Variants in RIF1 observed in about 807,000 individuals in gnomAD.
RIF1 encodes replication timing regulatory factor 1.
In RIF1, 45 loss-of-function variants were observed where a neutral mutation model predicts 247.1. The observed-to-expected ratio is 0.18, with a 90% CI of 0.14 to 0.23. The LOEUF is 0.23. RIF1 is among the 10% of genes least tolerant of loss of function. The pLI is 1.00. For synonymous variants in RIF1, 1,087 were observed against 978.8 expected, an observed-to-expected ratio of 1.11 and a Z score of -2.06; for missense variants, 2,967 against 2,862.5, an observed-to-expected ratio of 1.04 and a Z score of -0.83.
At position 151,480,133 on chromosome 2, in the gene RIF1, TGTTATG is replaced by T. The variant is rs1261588210; in HGVS notation, c.*5065_*5070del. On this transcript the variant is annotated 3_prime_UTR_variant, in exon 36 of 36. Coordinates refer to ENST00000444746, the MANE Select transcript of RIF1 (RefSeq NM_018151.5). Reference sequence around the variant, plus strand: ...TCCAAAGAACAGTTAAAACCAAATGTGTTATGGTAAGCTGTAAATACCGTTGGAATA... The same window carrying T: ...TCCAAAGAACAGTTAAAACCAAATGTGTAAGCTGTAAATACCGTTGGAATA... 3 of 152,274 alleles carry T rather than the reference TGTTATG, an allele frequency of 2.0e-5. No individual in the cohort carries two copies. The highest frequency in any genetic ancestry group is 7.2e-5 in the African/African-American group (3 of 41,574). 9.4% of individuals were successfully genotyped at this position (152,274 alleles called of 1,614,324 possible). A position where few individuals can be genotyped will look rare whatever the true frequency, so the allele number is the denominator to read the frequency against.
intron 26 of RIF1, 57 bp downstream of exon 26, chr2:151,460,176 TACAACTTTAAA>T: frequency 7.7e-7 from 1 of 1,294,796 alleles, no homozygotes; most frequent in Non-Finnish European, 1.1e-6. Context: ...GTAACTTACA[TACAACTTTAAA>T]AATTGGATGA....
the RIF1 span, among the ~76,000 whole-genome samples, chr2:151,516,751 A>G: frequency 6.0e-3 from 913 of 152,284 alleles, 6 homozygotes; most frequent in Middle Eastern, 0.017. Flanking sequence ...GGGGATGGGT[A>G]CCATTACTGT....
chr2:151,490,110 G>C (rs2055005647), intron 9 of RIF1: 2 of 1,499,334 alleles, frequency 1.3e-6, no homozygotes, highest in Non-Finnish European at 1.8e-6. Flanking sequence ...TTTATAAGAA[G>C]AAAAATGGCT....
At chr2:151,490,695 G>C (rs1304012823) in intron 9 of RIF1, among the ~76,000 whole-genome samples, 1 of 152,172 alleles carries the variant, frequency 6.6e-6, no homozygotes, top group East Asian at 1.9e-4. Flanking sequence ...TATTTTTACA[G>C]ATGAGAGCTT....
rs1443032964 is a variant in RIF1 at position 151,480,166 on chromosome 2, A to G, written c.*5095A>G. 2 of 152,208 alleles carry G rather than the reference A, an allele frequency of 1.3e-5. No individual in the cohort carries two copies. Among genetic ancestry groups the G allele is most frequent in the Non-Finnish European group, 2.9e-5 (2 of 68,012 alleles). 9.4% of individuals were successfully genotyped at this position (152,208 alleles called of 1,614,324 possible). A position where few individuals can be genotyped will look rare whatever the true frequency, so the allele number is the denominator to read the frequency against. ...TAAGCTGTAAATACCGTTGGAATAA[A>G]AGATAACCGTTCATCTTACCTAAAA... On this transcript the variant is annotated 3_prime_UTR_variant, in exon 36 of 36. Coordinates refer to ENST00000444746, the MANE Select transcript of RIF1 (RefSeq NM_018151.5).
At position 151,410,201 on chromosome 2, in the gene RIF1, A is replaced by G. The variant is rs1482406935; in HGVS notation, c.-11+168A>G. 4.7e-6 allele frequency: 3 copies of G among 637,110 alleles called. No individual in the cohort carries two copies. The African/African-American group carries it at 5.4e-5, about 11-fold the overall frequency. The allele number at this position is 637,110 out of a possible 1,614,324, so 39.5% of individuals were successfully genotyped here. On this transcript the variant is annotated intron_variant, in intron 1 of 35. Transcript: ENST00000444746. ...GGAAAGTGGTGGCGGGAGCGGGCCC[A>G]GGCCCGAATGTGGCGTGGGCTCAGG...
intron 11 of RIF1, among the ~76,000 whole-genome samples, chr2:151,436,359 T>G (rs1336540047): frequency 2.0e-5 from 3 of 152,096 alleles, no homozygotes; most frequent in Non-Finnish European, 4.4e-5. Flanking sequence ...TGCTACATAG[T>G]GAGACCCTGT....
At chr2:151,457,618 G>A (rs1018315946) in intron 23 of RIF1, 143 bp from the exon 24 acceptor site, 7 of 579,648 alleles carry the variant, frequency 1.2e-5, no homozygotes, top group South Asian at 4.6e-5. Flanking sequence ...ATAATTTGTC[G>A]AGTTATAAAG....
chr2:151,458,857 G>A lies in RIF1; in HGVS notation c.2902G>A (p.Gly968Ser). 6.2e-7 allele frequency: 1 copy of A among 1,613,278 alleles called. No individual in the cohort carries two copies. Among genetic ancestry groups the A allele is most frequent in the Non-Finnish European group, 8.5e-7 (1 of 1,179,552 alleles). The change falls in exon 25 of 36, where the codon GGT becomes AGT. Residue 968 changes from glycine to serine, a missense_variant. Transcript: ENST00000444746. ...ACAAAAATTTCTGCTCCTGTTGCCT[G>A]GTTTGGAAACTGTTGAAATGATGGA... ...AKQKFLLLLP[G>S]LETVEMMEES...
intron 4 of RIF1, among the ~76,000 whole-genome samples, chr2:151,416,082 A>G (rs527282195): frequency 6.6e-6 from 1 of 152,320 alleles, no homozygotes; most frequent in African/African-American, 2.4e-5. Context: ...CTCCATAGTT[A>G]GATGATTTCC....
intron 27 of RIF1, among the ~76,000 whole-genome samples, chr2:151,461,759 C>T (rs972057873): frequency 6.6e-6 from 1 of 152,100 alleles, no homozygotes; most frequent in African/African-American, 2.4e-5. Context: ...TATAAAGCTA[C>T]CTAGTAATGT....
At chr2:151,498,694 A>AAGTT in intron 10 of RIF1, among the ~76,000 whole-genome samples, 1 of 152,282 alleles carries the variant, frequency 6.6e-6, no homozygotes, top group Admixed American at 6.5e-5. Flanking sequence ...GAAACCAAGG[A>AAGTT]AGTTACTTTT....
intron 9 of RIF1, chr2:151,493,803 A>C (rs1171968563): frequency 6.3e-7 from 1 of 1,584,382 alleles, no homozygotes; most frequent in South Asian, 1.2e-5. Flanking sequence ...ATTGCGTTTC[A>C]CTCTTTCCAT....
chr2:151,491,197 AT>A (rs1270956557), intron 9 of RIF1: 30 of 157,022 alleles, frequency 1.9e-4, no homozygotes, highest in South Asian at 9.4e-4. Context: ...CTCGCGGCTA[AT>A]TTTTTTTTAC....
At chr2:151,524,876 C>G in the RIF1 span, among the ~76,000 whole-genome samples, 2 of 151,816 alleles carry the variant, frequency 1.3e-5, 1 homozygote, top group South Asian at 4.2e-4. Flanking sequence ...CCATATTGGC[C>G]AGGCTGGTCT....
intron 12 of RIF1, 91 bp from the exon 13 acceptor site, chr2:151,437,150 C>G (rs533359821): frequency 8.2e-7 from 1 of 1,219,494 alleles, no homozygotes; most frequent in African/African-American, 1.5e-5. Context: ...GAAAACACAC[C>G]TACTTAATAG....
chr2:151,509,899 C>G (rs116013237), downstream of RIF1, among the ~76,000 whole-genome samples: 2,264 of 152,292 alleles, frequency 0.015, 81 homozygotes, highest in East Asian at 0.14. Flanking sequence ...CGAGCCACTG[C>G]GCCCGACCAA....
intron 34 of RIF1, among the ~76,000 whole-genome samples, chr2:151,470,082 G>C (rs1053622688): frequency 3.3e-5 from 5 of 151,954 alleles, no homozygotes; most frequent in African/African-American, 1.2e-4. Context: ...TTCGGTATTT[G>C]ATTCCATGGC....
rs575515785 is a variant in RIF1, at chr2:151,444,223, G to C, written c.1986+514G>C. On this transcript the variant is annotated intron_variant, in intron 18 of 35. Coordinates refer to ENST00000444746, the MANE Select transcript of RIF1 (RefSeq NM_018151.5). ...CACAAGTTCTGTTTATGATTTGTCA[G>C]CCTCTTTGTCAGTCTTTAAATGGGA... 7.2e-5 allele frequency among the ~76,000 whole-genome samples: 11 copies of C among 152,338 alleles called. No homozygotes were observed. The East Asian group carries it at 1.7e-3, about 24-fold the overall frequency.
Sources: gnomAD v4.1 joint callset for allele counts (sites outside exome capture counted in the v4.1 genomes callset) on GRCh38, gnomAD v4.1.1 for gene constraint, MANE v1.5 for transcripts, NCBI Gene and HGNC (gene_info 2026-07-23, HGNC 2026-07-21) for gene names.